The following CDON variants were observed in gnomAD, a reference collection of about 807,000 sequenced individuals.
CDON encodes the protein cell adhesion molecule-related/down-regulated by oncogenes.
Under a neutral mutation model 120.9 loss-of-function variants are expected in CDON, and 73 were observed. That is an observed-to-expected ratio of 0.60 (90% CI 0.50 to 0.73). The LOEUF (loss-of-function observed/expected upper bound fraction) is 0.73. CDON is among the 30% of genes least tolerant of loss of function. CDON has a pLI of 0.00. For missense variants in CDON, 1,470 were observed against 1,587.3 expected (o/e 0.93, Z 1.26); for synonymous variants, 566 against 573.5 (o/e 0.99, Z 0.19).
chr11:125,998,412 T>C (rs1016631980), intron 11 of CDON, among the ~76,000 whole-genome samples: 1 of 152,066 alleles, frequency 6.6e-6, no homozygotes, highest in Non-Finnish European at 1.5e-5. Context: ...CGAGAGCTGG[T>C]GATTTAAAAG....
chr11:126,020,545 A>G (rs188113899), intron 3 of CDON, among the ~76,000 whole-genome samples: 4 of 152,290 alleles, frequency 2.6e-5, no homozygotes, highest in African/African-American at 7.2e-5. Context: ...CAGCTCTACA[A>G]AAACATTTAC....
At chr11:125,984,262 C>CT (rs1214240326) in intron 15 of CDON, among the ~76,000 whole-genome samples, 169 bp from the exon 16 acceptor site, 1 of 152,200 alleles carries the variant, frequency 6.6e-6, no homozygotes, top group Non-Finnish European at 1.5e-5. Context: ...AGTTTAAAAA[C>CT]TTGATGTGCC....
chr11:125,993,157 T>C lies in CDON; in HGVS notation c.2650+1127A>G, dbSNP rs76353385. Reference sequence around the variant, plus strand: ...TACCTGAAGGTAGCTATCGTGTTGCTTCTGCTAGTCTTTTTCAACCTGAAT... The same window carrying C: ...TACCTGAAGGTAGCTATCGTGTTGCCTCTGCTAGTCTTTTTCAACCTGAAT... On this transcript the variant is annotated intron_variant, in intron 14 of 19. Transcript: ENST00000531738. 9.7e-3 allele frequency among the ~76,000 whole-genome samples: 1,474 copies of C among 152,318 alleles called. 26 individuals carry two copies. The highest frequency in any genetic ancestry group is 0.033 in the African/African-American group (1,374 of 41,560).
chr11:125,963,307 T>A (rs917171196), intron 18 of CDON, among the ~76,000 whole-genome samples: 1 of 152,174 alleles, frequency 6.6e-6, no homozygotes, highest in East Asian at 1.9e-4. Flanking sequence ...GACACTTTTT[T>A]TCCCCCCTAT....
intron 15 of CDON, among the ~76,000 whole-genome samples, chr11:125,986,553 C>G (rs1035776658): frequency 2.0e-5 from 3 of 152,108 alleles, no homozygotes; most frequent in African/African-American, 4.8e-5. Context: ...ATAACGAGGT[C>G]AGGAGATCGA....
intron 1 of CDON, among the ~76,000 whole-genome samples, chr11:126,060,869 G>A (rs1411786678): frequency 6.6e-6 from 1 of 152,234 alleles, no homozygotes; most frequent in Non-Finnish European, 1.5e-5. Flanking sequence ...GCGTAAGCTA[G>A]ATTTAGAAGC....
intron 14 of CDON, among the ~76,000 whole-genome samples, chr11:125,994,054 T>G (rs1241072174): frequency 6.6e-6 from 1 of 152,232 alleles, no homozygotes. Flanking sequence ...GAACTACTAC[T>G]GATTAATCAT....
chr11:126,050,946 G>T (rs1948543420), intron 1 of CDON, among the ~76,000 whole-genome samples: 1 of 152,062 alleles, frequency 6.6e-6, no homozygotes, highest in African/African-American at 2.4e-5. Flanking sequence ...ATCGGAAAAA[G>T]ACACTAGTAT....
At chr11:125,970,609 G>T (rs755250178) in intron 18 of CDON, among the ~76,000 whole-genome samples, 1 of 152,204 alleles carries the variant, frequency 6.6e-6, no homozygotes, top group Non-Finnish European at 1.5e-5. Flanking sequence ...CAGGGCCATG[G>T]CCGTCTTCCC....
chr11:126,060,476 C>T (rs534317654), intron 1 of CDON, among the ~76,000 whole-genome samples: 22 of 151,948 alleles, frequency 1.4e-4, no homozygotes, highest in Admixed American at 2.6e-4. Context: ...ATTTTTACTA[C>T]GATAATATTT....
chr11:125,981,084 G>A lies in CDON; in HGVS notation c.3241C>T (p.His1081Tyr). The A allele has an allele frequency of 6.2e-7, 1 of 1,614,168 alleles. No individual in the cohort carries two copies. The highest frequency in any genetic ancestry group is 8.5e-7 in the Non-Finnish European group (1 of 1,180,016). ...TGATGAGGATGTTCAAAATCCACGT[G>A]TGTCCTGGTTAGAGAGTTGCTGTGC... ...SGHSNSLTRT[H>Y]VDFEHPHHLV... Residue 1081 changes from histidine to tyrosine, a missense_variant, in exon 17 of 20, where the codon CAC (histidine) becomes TAC (tyrosine). Physicochemically the swap from His to Tyr is moderately conservative, Grantham distance 83. Transcript: ENST00000531738.
At chr11:126,044,081 G>C (rs1278743011) in intron 1 of CDON, among the ~76,000 whole-genome samples, 1 of 152,126 alleles carries the variant, frequency 6.6e-6, no homozygotes, top group Non-Finnish European at 1.5e-5. Context: ...AAGAAACGTG[G>C]GAGATTTATC....
rs972182465 is a variant in CDON, at chr11:125,957,401, A to T, written c.*3541T>A. The stretch of plus-strand genomic sequence containing the variant: ...TTCGCCCACCCCAATCACAAACTAT[A>T]AGCAGCGTTGTACAAACAGGGAGTA... On this transcript the variant is annotated 3_prime_UTR_variant, in exon 20 of 20. Coordinates refer to ENST00000531738, the MANE Select transcript of CDON (RefSeq NM_001378964.1). The T allele has an allele frequency of 8.5e-5, 13 of 152,150 alleles. No homozygotes were observed. The highest frequency in any genetic ancestry group is 3.1e-4 in the African/African-American group (13 of 41,440). The allele number at this position is 152,150 out of a possible 1,614,324, so 9.4% of individuals were successfully genotyped here. A position where few individuals can be genotyped will look rare whatever the true frequency, so the allele number is the denominator to read the frequency against.
At chr11:126,013,874 T>C (rs539638847) in intron 7 of CDON, among the ~76,000 whole-genome samples, 50 of 152,226 alleles carry the variant, frequency 3.3e-4, no homozygotes, top group African/African-American at 1.2e-3. Context: ...GTTTTTAGTC[T>C]TACTAATTTT....
At chr11:126,020,304 T>C (rs779785842) in intron 3 of CDON, among the ~76,000 whole-genome samples, 14 of 152,244 alleles carry the variant, frequency 9.2e-5, no homozygotes, top group Non-Finnish European at 1.6e-4. Context: ...GCTATTCACA[T>C]TGCAATAAAA....
chr11:126,033,875 A>C (rs528655037), intron 1 of CDON, among the ~76,000 whole-genome samples: 1 of 152,314 alleles, frequency 6.6e-6, no homozygotes, highest in African/African-American at 2.4e-5. Flanking sequence ...TAGAAACTTA[A>C]GAATTTCTTA....
chr11:126,026,339 C>G (rs903833229), intron 1 of CDON, among the ~76,000 whole-genome samples: 1 of 152,224 alleles, frequency 6.6e-6, no homozygotes, highest in African/African-American at 2.4e-5. Context: ...GCCCCATGTT[C>G]CTGCTTAGCC....
At position 126,018,883 on chromosome 11, in the gene CDON, C is replaced by T. The variant is rs75440696; in HGVS notation, c.497-410G>A. 3.3e-3 allele frequency among the ~76,000 whole-genome samples: 498 copies of T among 152,146 alleles called. 5 individuals carry two copies. The highest frequency in any genetic ancestry group is 0.011 in the African/African-American group (456 of 41,492). ...CCGGCCAGCCTGCGTTACATTTAGA[C>T]ATGAGATTAGCGGTAAAGAAGCAAT... On this transcript the variant is annotated intron_variant, in intron 4 of 19. Coordinates refer to ENST00000531738, the MANE Select transcript of CDON (RefSeq NM_001378964.1).
Position 125,995,057 on chromosome 11 carries a change from GA to G in CDON, c.2363-6del. On this transcript the variant is annotated splice_polypyrimidine_tract_variant and splice_region_variant and intron_variant, in intron 12 of 19. Coordinates refer to ENST00000531738, the MANE Select transcript of CDON (RefSeq NM_001378964.1). Reference sequence around the variant, plus strand: ...CCCTAAATTTGTATGTTGAACCTTTGAGGGAAAACAAAAACAAACAAACAAC... The same window carrying G: ...CCCTAAATTTGTATGTTGAACCTTTGGGGAAAACAAAAACAAACAAACAAC... 1.9e-6 allele frequency: 3 copies of G among 1,610,926 alleles called. No individual in the cohort carries two copies. The highest frequency in any genetic ancestry group is 2.5e-6 in the Non-Finnish European group (3 of 1,178,462).
Sources: gnomAD v4.1 joint callset for allele counts (sites outside exome capture counted in the v4.1 genomes callset) on GRCh38, gnomAD v4.1.1 for gene constraint, MANE v1.5 for transcripts, NCBI Gene and HGNC (gene_info 2026-07-23, HGNC 2026-07-21) for gene names.